PLCL1: variants seen among roughly 807,000 people sequenced by gnomAD.
PLCL1 encodes inactive phospholipase C-like protein 1.
PLCL1 carries 41 observed loss-of-function variants against 84.4 expected under a neutral mutation model. The ratio of observed to expected loss-of-function variants is 0.49; its 90% CI spans 0.38 to 0.63. The LOEUF is 0.63. Among genes scored for constraint, PLCL1 ranks in the 30% least tolerant of loss-of-function variants. PLCL1 has a pLI of 0.00. For missense variants in PLCL1, 1,206 were observed against 1,367.8 expected (o/e 0.88, Z 1.87); for synonymous variants, 490 against 488.3 (o/e 1.00, Z -0.05).
intron 1 of PLCL1, among the ~76,000 whole-genome samples, chr2:197,820,726 A>G (rs1690798559): frequency 6.6e-6 from 1 of 152,172 alleles, no homozygotes. Flanking sequence ...TAAAATGAAA[A>G]TTCTGAAGTG....
intron 5 of PLCL1, among the ~76,000 whole-genome samples, chr2:198,141,428 T>G (rs2105945905): frequency 6.7e-6 from 1 of 149,578 alleles, no homozygotes; most frequent in African/African-American, 2.5e-5. Flanking sequence ...CATCTTTGAA[T>G]AGTTTCACCC....
chr2:198,052,757 C>G (rs1015617899), intron 1 of PLCL1, among the ~76,000 whole-genome samples: 5 of 152,178 alleles, frequency 3.3e-5, no homozygotes, highest in African/African-American at 1.2e-4. Context: ...CCAGGTAAGA[C>G]AGGCTTTGCT....
intron 1 of PLCL1, among the ~76,000 whole-genome samples, chr2:197,823,624 C>T (rs1414553471): frequency 6.6e-6 from 1 of 151,970 alleles, no homozygotes; most frequent in African/African-American, 2.4e-5. Context: ...TGGAGCAAAC[C>T]TTGTCTTTTG....
intron 1 of PLCL1, among the ~76,000 whole-genome samples, chr2:198,018,384 C>T (rs776197736): frequency 2.0e-5 from 3 of 152,150 alleles, no homozygotes; most frequent in African/African-American, 4.8e-5. Flanking sequence ...GAGACAGAAC[C>T]GTTCACTCCC....
At chr2:197,947,237 A>AATATATATATATATATAT (rs55700681) in intron 1 of PLCL1, among the ~76,000 whole-genome samples, 46 of 142,728 alleles carry the variant, frequency 3.2e-4, no homozygotes, top group South Asian at 2.0e-3. Flanking sequence ...TGCTTAGATA[A>AATATATATATATATATAT]ATATATATAT....
At chr2:198,001,675 C>G (rs1213759273) in intron 1 of PLCL1, among the ~76,000 whole-genome samples, 1 of 152,006 alleles carries the variant, frequency 6.6e-6, no homozygotes, top group Non-Finnish European at 1.5e-5. Context: ...AGCAGGGGTT[C>G]CCAAACCCCG....
Position 198,084,793 on chromosome 2 carries a change from G to A in PLCL1, c.1276G>A (p.Ala426Thr), listed in dbSNP as rs1165921556. Residue 426 changes from alanine (A) to threonine (T), a missense_variant, in exon 2 of 6, where the codon GCT becomes ACT. Physicochemically the swap from Ala to Thr is moderately conservative, Grantham distance 58. Transcript: ENST00000428675. ...YLIEDQFRGP[A>T]DINGYIRALK... ...AATAGAAGACCAGTTCAGGGGGCCA[G>A]CTGACATCAATGGGTACATTAGAGC... 3 of 1,614,072 alleles carry A rather than the reference G, an allele frequency of 1.9e-6. No homozygotes were observed. The highest frequency in any genetic ancestry group is 2.5e-6 in the Non-Finnish European group (3 of 1,179,978).
At chr2:198,134,057 A>G (rs573654634) in intron 5 of PLCL1, among the ~76,000 whole-genome samples, 104 of 152,306 alleles carry the variant, frequency 6.8e-4, no homozygotes, top group African/African-American at 2.4e-3. Context: ...GATCAAGCCA[A>G]CACGACACAA....
intron 1 of PLCL1, among the ~76,000 whole-genome samples, chr2:197,974,910 G>T (rs1405681780): frequency 6.6e-6 from 1 of 152,078 alleles, no homozygotes; most frequent in Non-Finnish European, 1.5e-5. Context: ...GGGAGGCCGA[G>T]GCGGGTGGAT....
chr2:197,957,864 A>G (rs1689522687), intron 1 of PLCL1, among the ~76,000 whole-genome samples: 2 of 152,028 alleles, frequency 1.3e-5, no homozygotes, highest in African/African-American at 2.4e-5. Flanking sequence ...TTTTATCCTC[A>G]GTGATTTAAT....
chr2:198,036,125 A>G (rs1462371746), intron 1 of PLCL1, among the ~76,000 whole-genome samples: 1 of 152,210 alleles, frequency 6.6e-6, no homozygotes. Flanking sequence ...AGAATCATCA[A>G]TGAATTCTCT....
chr2:197,811,995 T>C (rs75089081), intron 1 of PLCL1, among the ~76,000 whole-genome samples: 2,517 of 152,244 alleles, frequency 0.017, 57 homozygotes, highest in African/African-American at 0.058. Context: ...TCCCCAGTAT[T>C]TATTGTTCCT....
intron 1 of PLCL1, among the ~76,000 whole-genome samples, chr2:197,826,213 C>T (rs1355228857): frequency 1.3e-5 from 2 of 152,138 alleles, no homozygotes; most frequent in Admixed American, 6.5e-5. Context: ...TGAGATACCT[C>T]GTTCACAATA....
rs536508559 is a variant in PLCL1 at position 197,892,795 on chromosome 2, T to C, written c.240+87456T>C. Among the ~76,000 whole-genome samples the C allele has an allele frequency of 2.0e-5, 3 of 152,066 alleles. No individual in the cohort carries two copies. The South Asian group carries it at 6.2e-4, about 32-fold the overall frequency. On this transcript the variant is annotated intron_variant, in intron 1 of 5. Coordinates refer to ENST00000428675, the MANE Select transcript of PLCL1 (RefSeq NM_006226.4). ...GGATCACGAGGTCAGGAGTTCGAGA[T>C]CAGCCTGATCAACATGGTGAAACCC... is the stretch of plus-strand genomic sequence containing the variant.
chr2:198,094,252 A>G (rs190255054), intron 3 of PLCL1, among the ~76,000 whole-genome samples: 25 of 152,132 alleles, frequency 1.6e-4, no homozygotes, highest in South Asian at 4.2e-4. Context: ...TAGTAGAGAC[A>G]GGGTTTCACC....
chr2:197,952,034 A>T (rs1470359413), intron 1 of PLCL1, among the ~76,000 whole-genome samples: 1 of 152,180 alleles, frequency 6.6e-6, no homozygotes, highest in South Asian at 2.1e-4. Context: ...GACTGATAGG[A>T]TCCTGTCACT....
chr2:198,005,787 G>C (rs1289822480), intron 1 of PLCL1, among the ~76,000 whole-genome samples: 1 of 152,232 alleles, frequency 6.6e-6, no homozygotes, highest in Non-Finnish European at 1.5e-5. Context: ...CAGGGAGGCC[G>C]TGGACAGCCG....
chr2:197,840,610 G>A (rs1686976875), intron 1 of PLCL1, among the ~76,000 whole-genome samples: 1 of 152,016 alleles, frequency 6.6e-6, no homozygotes. Context: ...CCTGATGAAA[G>A]GGCAAATCCT....
intron 1 of PLCL1, among the ~76,000 whole-genome samples, chr2:197,959,281 G>A (rs1689559968): frequency 1.3e-5 from 2 of 151,996 alleles, no homozygotes; most frequent in Admixed American, 1.3e-4. Flanking sequence ...AGAACTGATG[G>A]TGCAGTTGAT....
Sources: allele counts gnomAD v4.1 joint callset (sites outside exome capture counted in the v4.1 genomes callset), GRCh38; gene constraint gnomAD v4.1.1; transcripts MANE v1.5; gene names NCBI Gene and HGNC (gene_info 2026-07-23, HGNC 2026-07-21).